CELF4: variants seen among roughly 807,000 people sequenced by gnomAD.
CELF4 encodes the protein CUG-BP- and ETR-3-like factor 4.
In CELF4, 18 loss-of-function variants were observed where a neutral mutation model predicts 59.9. The observed-to-expected ratio is 0.30, with a 90% confidence interval of 0.21 to 0.45. The LOEUF (loss-of-function observed/expected upper bound fraction) is 0.45. CELF4 is among the 20% of genes least tolerant of loss of function. CELF4 has a pLI of 1.00. For synonymous variants in CELF4, 261 were observed against 267.1 expected (o/e 0.98, Z 0.22); for missense variants, 456 against 689.0 (o/e 0.66, Z 3.79).
At chr18:37,473,088 G>A (rs1185519908) in intron 2 of CELF4, among the ~76,000 whole-genome samples, 2 of 152,244 alleles carry the variant, frequency 1.3e-5, no homozygotes, top group East Asian at 3.9e-4. Context: ...ATGAGGGAGG[G>A]CCTCAGGAGT....
chr18:37,293,725 T>A (rs895527833), intron 3 of CELF4, among the ~76,000 whole-genome samples: 1 of 152,134 alleles, frequency 6.6e-6, no homozygotes, highest in Non-Finnish European at 1.5e-5. Flanking sequence ...GACTGGCTAT[T>A]AGAAATCTAT....
At chr18:37,532,302 G>A (rs779683313) in intron 1 of CELF4, among the ~76,000 whole-genome samples, 37 of 152,150 alleles carry the variant, frequency 2.4e-4, no homozygotes, top group Admixed American at 2.2e-3. Flanking sequence ...CTTTGAATGC[G>A]TGTTCCTGTG....
chr18:37,419,052 T>G (rs1053092875), intron 2 of CELF4, among the ~76,000 whole-genome samples: 5 of 152,098 alleles, frequency 3.3e-5, no homozygotes, highest in Admixed American at 3.3e-4. Flanking sequence ...GGAGCTGGGG[T>G]GTCCAACAGT....
At chr18:37,529,425 G>T (rs551527521) in intron 1 of CELF4, among the ~76,000 whole-genome samples, 1 of 152,176 alleles carries the variant, frequency 6.6e-6, no homozygotes, top group Admixed American at 6.5e-5. Context: ...GGTCTGGCGC[G>T]ACGTAGCATA....
intron 1 of CELF4, among the ~76,000 whole-genome samples, chr18:37,549,361 G>A (rs1269777475): frequency 6.6e-6 from 1 of 152,220 alleles, no homozygotes; most frequent in South Asian, 2.1e-4. Context: ...CTTTGGGCAG[G>A]TTTGAGACAG....
In CELF4 at chr18:37,337,193, C is replaced by T. The variant is rs559117367; in HGVS notation, c.370-15312G>A. Among the ~76,000 whole-genome samples the T allele has an allele frequency of 9.2e-5, 14 of 152,294 alleles. No homozygotes were observed. The South Asian group carries it at 2.3e-3, about 25-fold the overall frequency. ...TCTGGTGAGCAGGACAGGAAGCTAA[C>T]GGTGTGGGCCCAACTGGCCTGGGCT... On this transcript the variant is annotated intron_variant, in intron 2 of 12. Transcript: ENST00000420428.
chr18:37,442,214 T>C (rs1349124423), intron 2 of CELF4, among the ~76,000 whole-genome samples: 1 of 151,884 alleles, frequency 6.6e-6, no homozygotes, highest in East Asian at 1.9e-4. Context: ...AGGAACAAAT[T>C]AAAAAAATGA....
At chr18:37,370,415 T>C (rs2098845067) in intron 2 of CELF4, among the ~76,000 whole-genome samples, 1 of 152,154 alleles carries the variant, frequency 6.6e-6, no homozygotes, top group African/African-American at 2.4e-5. Flanking sequence ...GGAGGTGCCC[T>C]GCATTTCTCC....
chr18:37,544,733 A>G (rs1221691077), intron 1 of CELF4, among the ~76,000 whole-genome samples: 1 of 152,198 alleles, frequency 6.6e-6, no homozygotes, highest in African/African-American at 2.4e-5. Context: ...ACAACAGCCT[A>G]AGGAATCGGT....
intron 2 of CELF4, among the ~76,000 whole-genome samples, chr18:37,410,980 G>A (rs763026530): frequency 3.9e-5 from 6 of 152,118 alleles, no homozygotes; most frequent in Non-Finnish European, 8.8e-5. Context: ...TTTTTGAGAC[G>A]AGGTCTCACT....
chr18:37,551,897 TC>T lies in CELF4; in HGVS notation c.286+13458del, dbSNP rs562856178. 2.2e-3 allele frequency among the ~76,000 whole-genome samples: 340 copies of T among 152,336 alleles called. 2 individuals are homozygous for T. Among genetic ancestry groups the T allele is most frequent in the South Asian group, 0.016 (79 of 4,828 alleles). ...AGGCTGGCGGCAGGTCCAAATTTATTCAAAATGAGAAATTCCTTTGTCCACC... is the reference window on the plus strand; with the variant it reads ...AGGCTGGCGGCAGGTCCAAATTTATTAAAATGAGAAATTCCTTTGTCCACC... On this transcript the variant is annotated intron_variant, in intron 1 of 12. Coordinates refer to ENST00000420428, the MANE Select transcript of CELF4 (RefSeq NM_020180.4).
Position 37,266,611 on chromosome 18 carries a change from A to G in CELF4, c.1100-13T>C. The stretch of plus-strand genomic sequence containing the variant: ...GTGGGGCTCTGTGCTGTAGGGAGCC[A>G]AGGGGACAGAGGTCAGCAGTGCCCA... On this transcript the variant is annotated splice_polypyrimidine_tract_variant and intron_variant, in intron 8 of 12. Coordinates refer to ENST00000420428, the MANE Select transcript of CELF4 (RefSeq NM_020180.4). 6.3e-7 allele frequency: 1 copy of G among 1,577,566 alleles called. No homozygotes were observed. The highest frequency in any genetic ancestry group is 8.6e-7 in the Non-Finnish European group (1 of 1,162,744).
chr18:37,262,394 T>G (rs9965176), intron 10 of CELF4, among the ~76,000 whole-genome samples: 11,875 of 127,030 alleles, frequency 0.093, 543 homozygotes, highest in East Asian at 0.21. Context: ...GGTGTGTGTG[T>G]GGGGTGGGGG....
intron 10 of CELF4, among the ~76,000 whole-genome samples, chr18:37,264,314 G>A (rs1263014749): frequency 1.3e-5 from 2 of 152,212 alleles, no homozygotes; most frequent in Non-Finnish European, 2.9e-5. Flanking sequence ...ATTCAGAAGG[G>A]GTTCTCATAG....
At chr18:37,298,125 G>A (rs1321628232) in intron 3 of CELF4, among the ~76,000 whole-genome samples, 2 of 152,236 alleles carry the variant, frequency 1.3e-5, no homozygotes, top group African/African-American at 2.4e-5. Context: ...AGGCCCAGGA[G>A]GCTGGGGTCT....
At chr18:37,422,732 C>G (rs1245125326) in intron 2 of CELF4, among the ~76,000 whole-genome samples, 3 of 152,148 alleles carry the variant, frequency 2.0e-5, no homozygotes, top group Non-Finnish European at 4.4e-5. Context: ...TACAGTTGCC[C>G]TGTTACATTC....
rs569738856 is a variant in CELF4, at chr18:37,353,114, G to A, written c.370-31233C>T. ...CACGTGCCTGCAGTCCCAGCTACTT[G>A]GGAGGCTGAGGCAGGAGAATTGCTT... On this transcript the variant is annotated intron_variant, in intron 2 of 12. Transcript: ENST00000420428. Among the ~76,000 whole-genome samples, 5 of 151,696 alleles carry A rather than the reference G, an allele frequency of 3.3e-5. No homozygotes were observed. In the South Asian group the frequency reaches 1.0e-3, roughly 32 times the overall value.
In CELF4 at chr18:37,442,586, A is replaced by T. The variant is rs561674848; in HGVS notation, c.369+42939T>A. 4.6e-5 allele frequency among the ~76,000 whole-genome samples: 7 copies of T among 152,316 alleles called. No individual in the cohort carries two copies. In the South Asian group the frequency reaches 6.2e-4, roughly 14 times the overall value. On this transcript the variant is annotated intron_variant, in intron 2 of 12. Coordinates refer to ENST00000420428, the MANE Select transcript of CELF4 (RefSeq NM_020180.4). ...CTGAAGGGGGCTTGGCCCAAACAGC[A>T]CAGCGAGCCCATGGGAAGTCCACAT... is the stretch of plus-strand genomic sequence containing the variant.
At chr18:37,299,950 C>T (rs1484494538) in intron 3 of CELF4, among the ~76,000 whole-genome samples, 1 of 152,128 alleles carries the variant, frequency 6.6e-6, no homozygotes, top group African/African-American at 2.4e-5. Flanking sequence ...AGCCACAACC[C>T]CCACCATCTA....
Sources: allele counts gnomAD v4.1 joint callset (sites outside exome capture counted in the v4.1 genomes callset), GRCh38; gene constraint gnomAD v4.1.1; transcripts MANE v1.5; gene names NCBI Gene and HGNC (gene_info 2026-07-23, HGNC 2026-07-21).